Variants in RNF212B observed in about 807,000 individuals in gnomAD.
RNF212B encodes E3 ubiquitin-protein ligase RNF212B.
In RNF212B, 52 loss-of-function variants were observed where a neutral mutation model predicts 55.5. The observed-to-expected ratio is 0.94, with a 90% CI of 0.75 to 1.18. RNF212B has a LOEUF of 1.18. Among genes scored for constraint, RNF212B ranks in the 50% most tolerant of loss-of-function variants. The pLI is 0.00. For missense variants in RNF212B, 289 were observed against 350.4 expected (o/e 0.82, Z 1.40); for synonymous variants, 99 against 121.4 (o/e 0.82, Z 1.21).
intron 11 of RNF212B, among the ~76,000 whole-genome samples, chr14:23,266,404 G>GTTTTTTTTTTTTTTTTTTTTTTT: frequency 2.1e-5 from 1 of 46,888 alleles, no homozygotes; most frequent in South Asian, 6.5e-4. Context: ...CCTTTTAAAT[G>GTTTTTTTTTTTTTTTTTTTTTTT]TTTTTTTTTT....
intron 2 of RNF212B, among the ~76,000 whole-genome samples, chr14:23,232,424 A>T (rs9743682): frequency 0.065 from 9,662 of 148,044 alleles, 577 homozygotes; most frequent in African/African-American, 0.16. Context: ...CCTGTCTGAG[A>T]AGTGAGGAGC....
At chr14:23,243,364 A>C (rs1397556855) in intron 3 of RNF212B, 56 bp downstream of exon 3, 7 of 1,380,226 alleles carry the variant, frequency 5.1e-6, no homozygotes, top group Non-Finnish European at 7.0e-6. Flanking sequence ...GCCTGTAGGA[A>C]GTATATACAA....
chr14:23,226,054 C>T (rs1881975911), intron 2 of RNF212B, among the ~76,000 whole-genome samples: 1 of 151,676 alleles, frequency 6.6e-6, no homozygotes, highest in South Asian at 2.1e-4. Flanking sequence ...AATCTCAGCA[C>T]TTTGGGAGGC....
chr14:23,244,195 C>G, intron 3 of RNF212B, 127 bp from the exon 4 acceptor site: 1 of 497,824 alleles, frequency 2.0e-6, no homozygotes, highest in Non-Finnish European at 3.5e-6. Context: ...TGGAGATCTC[C>G]CTTTTACACA....
chr14:23,266,412 T>TTTTTTTTTTTTTTTTTTTTTTTTTTTG (rs1885702042), intron 11 of RNF212B, among the ~76,000 whole-genome samples: 2 of 135,626 alleles, frequency 1.5e-5, no homozygotes, highest in African/African-American at 2.8e-5. Context: ...ATGTTTTTTT[T>TTTTTTTTTTTTTTTTTTTTTTTTTTTG]TTTTTTTTTT....
chr14:23,192,299 A>AT (rs1408618143), intron 1 of RNF212B, among the ~76,000 whole-genome samples: 4 of 152,244 alleles, frequency 2.6e-5, no homozygotes, highest in African/African-American at 9.6e-5. Context: ...ATGTTCATCA[A>AT]TGATAGACTG....
chr14:23,216,254 A>AAAAAC (rs912567103), intron 2 of RNF212B, among the ~76,000 whole-genome samples: 2 of 152,266 alleles, frequency 1.3e-5, no homozygotes, highest in African/African-American at 4.8e-5. Flanking sequence ...TCAAAAAAAC[A>AAAAAC]AAAACAAAAC....
intron 1 of RNF212B, among the ~76,000 whole-genome samples, chr14:23,189,803 A>T (rs73600449): frequency 0.02 from 3,065 of 152,152 alleles, 40 homozygotes; most frequent in Middle Eastern, 0.085. Flanking sequence ...GTGAGTTCTT[A>T]TCTGAAAATA....
At chr14:23,264,019 C>T (rs530196361) in intron 9 of RNF212B, among the ~76,000 whole-genome samples, 155 bp from the exon 10 acceptor site, 89 of 152,200 alleles carry the variant, frequency 5.8e-4, no homozygotes, top group Middle Eastern at 3.4e-3. Context: ...ACCCAGGATG[C>T]GGAGGCTGCA....
At chr14:23,211,450 A>G (rs2140390372) in intron 2 of RNF212B, among the ~76,000 whole-genome samples, 1 of 152,280 alleles carries the variant, frequency 6.6e-6, no homozygotes, top group Non-Finnish European at 1.5e-5. Context: ...AAATAATGCC[A>G]ATTCTACACA....
intron 5 of RNF212B, 62 bp from the exon 6 acceptor site, chr14:23,259,822 A>T (rs1216326572): frequency 1.2e-6 from 1 of 837,610 alleles, no homozygotes; most frequent in African/African-American, 1.7e-5. Flanking sequence ...AGTTATAATA[A>T]TAAAAAATCA....
chr14:23,261,991 C>CAG (rs1175325857), intron 7 of RNF212B, among the ~76,000 whole-genome samples: 1 of 151,560 alleles, frequency 6.6e-6, no homozygotes, highest in East Asian at 1.9e-4. Flanking sequence ...AAACAGAAAA[C>CAG]AAAACAAAAC....
In RNF212B at chr14:23,193,117, AAG is replaced by A. The variant is rs753285978; in HGVS notation, c.-78-206_-78-205del. On this transcript the variant is annotated intron_variant, in intron 1 of 15. Coordinates refer to the RNF212B transcript ENST00000399910. The stretch of plus-strand genomic sequence containing the variant: ...AAAAAAAAAAAAAAAAAAAAAAAAA[AAG>A]AATGTTACCAGAATGGCACTGCCTT... 1.2e-4 allele frequency among the ~76,000 whole-genome samples: 18 copies of A among 147,246 alleles called. 1 individual carries two copies. The South Asian group carries it at 1.7e-3, about 14-fold the overall frequency.
chr14:23,265,696 C>A (rs1015380355), intron 11 of RNF212B, among the ~76,000 whole-genome samples: 16 of 152,070 alleles, frequency 1.1e-4, no homozygotes, highest in African/African-American at 3.9e-4. Flanking sequence ...TTTCCTCTTT[C>A]TTTGTCAATC....
intron 2 of RNF212B, among the ~76,000 whole-genome samples, chr14:23,209,970 T>C (rs1880318079): frequency 6.6e-6 from 1 of 152,110 alleles, no homozygotes; most frequent in South Asian, 2.1e-4. Context: ...CTGGCCAACA[T>C]GATGAAACCC....
chr14:23,221,224 T>C (rs113252658), intron 2 of RNF212B, among the ~76,000 whole-genome samples: 1,883 of 137,316 alleles, frequency 0.014, 41 homozygotes, highest in African/African-American at 0.046. Flanking sequence ...CTGTCTCTAC[T>C]GAAAATAGGA....
chr14:23,261,948 A>G (rs1885324486), intron 7 of RNF212B, among the ~76,000 whole-genome samples: 1 of 150,970 alleles, frequency 6.6e-6, no homozygotes, highest in Non-Finnish European at 1.5e-5. Context: ...AGCCTGGGTG[A>G]CAGAGTGGGA....
At chr14:23,229,843 T>C (rs1232143471) in intron 2 of RNF212B, 1 of 152,978 alleles carries the variant, frequency 6.5e-6, no homozygotes, top group Non-Finnish European at 1.5e-5. Flanking sequence ...AGAAAAACTA[T>C]ATTCCCAATA....
chr14:23,260,892 T>G (rs1171767229), intron 7 of RNF212B, among the ~76,000 whole-genome samples: 1 of 152,264 alleles, frequency 6.6e-6, no homozygotes. Context: ...GAAATCCTAG[T>G]GTTTGAAATG....
Sources: gnomAD v4.1 joint callset for allele counts (sites outside exome capture counted in the v4.1 genomes callset) on GRCh38, gnomAD v4.1.1 for gene constraint, MANE v1.5 for transcripts, NCBI Gene and HGNC (gene_info 2026-07-23, HGNC 2026-07-21) for gene names.